The following ITGA2 variants were observed in gnomAD, a reference collection of about 807,000 sequenced individuals.
ITGA2 encodes integrin alpha-2.
In ITGA2, 101 loss-of-function variants were observed where a neutral mutation model predicts 146.3. That is an observed-to-expected ratio of 0.69 (90% CI 0.59 to 0.81). The LOEUF is 0.81. ITGA2 is among the 40% of genes least tolerant of loss of function. ITGA2 has a pLI of 0.00. For missense variants in ITGA2, 1,281 were observed against 1,402.7 expected (o/e 0.91, Z 1.39); for synonymous variants, 477 against 487.1 (o/e 0.98, Z 0.27).
chr5:53,086,789 T>C (rs1318241117), intron 27 of ITGA2, among the ~76,000 whole-genome samples, 163 bp from the exon 28 acceptor site: 1 of 152,184 alleles, frequency 6.6e-6, no homozygotes, highest in Non-Finnish European at 1.5e-5. Flanking sequence ...GCAGTCCTGT[T>C]ACACAGCACT....
At chr5:53,041,087 G>A (rs1743774050) in intron 2 of ITGA2, among the ~76,000 whole-genome samples, 1 of 150,188 alleles carries the variant, frequency 6.7e-6, no homozygotes, top group Non-Finnish European at 1.5e-5. Context: ...AATAATTTTA[G>A]TTTCTTTGAT....
intron 24 of ITGA2, among the ~76,000 whole-genome samples, 179 bp from the exon 25 acceptor site, chr5:53,080,332 T>C (rs1745858539): frequency 6.6e-6 from 1 of 152,166 alleles, no homozygotes; most frequent in Non-Finnish European, 1.5e-5. Flanking sequence ...CAGGCATAAA[T>C]GCGTTTTAAG....
rs1740449030 is a variant in ITGA2 at position 53,092,021 on chromosome 5, T to C, written c.*1422T>C. 1.3e-5 allele frequency: 2 copies of C among 152,200 alleles called. No individual in the cohort carries two copies. The highest frequency in any genetic ancestry group is 4.1e-4 in the South Asian group (2 of 4,830). The allele number at this position is 152,200 out of a possible 1,614,324, so 9.4% of individuals were successfully genotyped here. A position where few individuals can be genotyped will look rare whatever the true frequency, so the allele number is the denominator to read the frequency against. On this transcript the variant is annotated 3_prime_UTR_variant, in exon 30 of 30. Coordinates refer to ENST00000296585, the MANE Select transcript of ITGA2 (RefSeq NM_002203.4). The stretch of plus-strand genomic sequence containing the variant: ...AGATCCTGAGATGATTTGGTCAGAT[T>C]GGGATAAGGCCCAGCAATCTGCATT...
chr5:53,042,063 A>G, intron 2 of ITGA2, 49 bp from the exon 3 acceptor site: 1 of 1,096,482 alleles, frequency 9.1e-7, no homozygotes, highest in Non-Finnish European at 1.4e-6. Context: ...TTTATCTTTA[A>G]GAAACTATAC....
At chr5:52,994,734 T>A (rs1275487565) in intron 1 of ITGA2, among the ~76,000 whole-genome samples, 1 of 152,206 alleles carries the variant, frequency 6.6e-6, no homozygotes, top group Admixed American at 6.5e-5. Flanking sequence ...AAAATTTTCA[T>A]ATAATTTAAA....
rs777686275 is a variant in ITGA2 at position 53,075,250 on chromosome 5, A to G, written c.2771A>G (p.Asn924Ser). 8 of 1,612,804 alleles carry G rather than the reference A, an allele frequency of 5.0e-6. No homozygotes were observed. Among genetic ancestry groups the G allele is most frequent in the Non-Finnish European group, 6.8e-6 (8 of 1,179,290 alleles). Residue 924 changes from asparagine to serine, a missense_variant, in exon 23 of 30, where the codon AAT (asparagine) becomes AGT (serine). Asn to Ser is a conservative substitution (Grantham distance 46). This residue lies in a region of ITGA2 where 475 missense variants were observed against 530.5 expected (regional missense o/e 0.90). Transcript: ENST00000296585. ...AGCCAAGAAGAAAACAAGGCTGATA[A>G]TTTGGTCAACCTCAAAATTCCTCTC... ...SESQEENKAD[N>S]LVNLKIPLLY...
At chr5:53,061,086 G>T (rs1339437792) in intron 12 of ITGA2, 40 bp downstream of exon 12, 4 of 1,605,658 alleles carry the variant, frequency 2.5e-6, no homozygotes, top group Non-Finnish European at 3.4e-6. Context: ...AATTTTAGGG[G>T]CAACTGGGCA....
At chr5:53,014,579 C>T (rs1742310479) in intron 1 of ITGA2, among the ~76,000 whole-genome samples, 4 of 151,952 alleles carry the variant, frequency 2.6e-5, no homozygotes, top group African/African-American at 9.7e-5. Context: ...TGTGTCTCTA[C>T]CAGGATTTGG....
intron 1 of ITGA2, among the ~76,000 whole-genome samples, chr5:53,003,991 C>G (rs958940689): frequency 6.6e-6 from 1 of 152,180 alleles, no homozygotes; most frequent in African/African-American, 2.4e-5. Context: ...ATATTATTGA[C>G]AATTGGGGCC....
At chr5:53,083,107 A>G (rs531898880) in intron 26 of ITGA2, among the ~76,000 whole-genome samples, 4 of 152,184 alleles carry the variant, frequency 2.6e-5, no homozygotes, top group African/African-American at 9.6e-5. Flanking sequence ...GAGGCTATCT[A>G]TACAGACAGG....
At chr5:53,056,224 T>C in intron 9 of ITGA2, 75 bp downstream of exon 9, 1 of 1,367,612 alleles carries the variant, frequency 7.3e-7, no homozygotes, top group Non-Finnish European at 1.0e-6. Flanking sequence ...ATATTTGCTT[T>C]ACTAATGTTA....
At chr5:53,061,188 T>C in intron 12 of ITGA2, 142 bp downstream of exon 12, 1 of 815,850 alleles carries the variant, frequency 1.2e-6, no homozygotes, top group Non-Finnish European at 2.1e-6. Flanking sequence ...CTTAGTGTAT[T>C]CCTTAAATCA....
At chr5:53,069,771 T>C (rs990163341) in intron 16 of ITGA2, among the ~76,000 whole-genome samples, 1 of 151,800 alleles carries the variant, frequency 6.6e-6, no homozygotes, top group African/African-American at 2.4e-5. Context: ...TGTGTCTCCG[T>C]GTTATGAGTA....
chr5:53,090,041 T>G lies in ITGA2; in HGVS notation c.3444T>G (p.Ala1148=), dbSNP rs1157805514. 1.9e-6 allele frequency: 3 copies of G among 1,608,576 alleles called. No individual in the cohort carries two copies. In the Admixed American group the frequency reaches 5.0e-5, roughly 27 times the overall value. The part of the protein sequence containing the change: ...SIIAGILLLL[A]LVAILWKLGF... ...TTGCTGGAATCCTTTTGCTGTTAGCTCTGGTTGCAATTTTATGGAAGGTAA... is the reference window on the plus strand; with the variant it reads ...TTGCTGGAATCCTTTTGCTGTTAGCGCTGGTTGCAATTTTATGGAAGGTAA... The change falls in exon 29 of 30, where the codon GCT becomes GCG. Residue 1148 remains alanine, a synonymous_variant. Transcript: ENST00000296585.
chr5:53,081,478 C>T, intron 25 of ITGA2, 114 bp from the exon 26 acceptor site: 1 of 788,536 alleles, frequency 1.3e-6, no homozygotes, highest in East Asian at 2.7e-5. Flanking sequence ...TTGAAAGAAG[C>T]CTAACAGCCC....
intron 14 of ITGA2, 144 bp downstream of exon 14, chr5:53,065,259 C>A: frequency 2.4e-6 from 2 of 837,312 alleles, no homozygotes; most frequent in Non-Finnish European, 3.9e-6. Context: ...TGAGCCTCTA[C>A]TGTGTGCCCA....
In ITGA2 at chr5:53,066,095, C is replaced by T. The variant is rs952422410; in HGVS notation, c.1943+118C>T. On this transcript the variant is annotated intron_variant, in intron 15 of 29. Transcript: ENST00000296585. The stretch of plus-strand genomic sequence containing the variant: ...TGCATTCTATAAGACTATAGGGAAT[C>T]GATGTATCATAGTTTGCACAAAGGA... 36 of 961,176 alleles carry T rather than the reference C, an allele frequency of 3.7e-5. No individual in the cohort carries two copies. In the Admixed American group the frequency reaches 5.2e-4, roughly 14 times the overall value. The allele number at this position is 961,176 out of a possible 1,614,324, so 59.5% of individuals were successfully genotyped here.
chr5:53,019,523 T>A (rs1286506040), intron 1 of ITGA2, among the ~76,000 whole-genome samples: 1 of 151,866 alleles, frequency 6.6e-6, no homozygotes, highest in Non-Finnish European at 1.5e-5. Context: ...TGTGTCTGAG[T>A]CACCCTTATT....
intron 17 of ITGA2, among the ~76,000 whole-genome samples, chr5:53,071,235 G>T (rs991167786): frequency 4.6e-5 from 7 of 151,848 alleles, no homozygotes; most frequent in African/African-American, 1.7e-4. Flanking sequence ...TTGTTAAAGT[G>T]ACAATTTTAT....
Sources: allele counts gnomAD v4.1 joint callset (sites outside exome capture counted in the v4.1 genomes callset), GRCh38; gene constraint gnomAD v4.1.1; regional missense constraint gnomAD v4.1.1; transcripts MANE v1.5; gene names NCBI Gene and HGNC (gene_info 2026-07-23, HGNC 2026-07-21).